The following ABCA6 variants were observed in gnomAD, a reference collection of about 807,000 sequenced individuals.
ABCA6 encodes ATP binding cassette subfamily A member 6.
Under a neutral mutation model 191.2 loss-of-function variants are expected in ABCA6, and 164 were observed. The ratio of observed to expected loss-of-function variants is 0.86; its 90% CI spans 0.76 to 0.98. The LOEUF is 0.98. ABCA6 is among the 50% of genes least tolerant of loss of function. The pLI is 0.00. For missense variants in ABCA6, 1,958 were observed against 1,894.1 expected, an observed-to-expected ratio of 1.03 and a Z score of -0.63; for synonymous variants, 636 against 647.7, an observed-to-expected ratio of 0.98 and a Z score of 0.27.
intron 8 of ABCA6, among the ~76,000 whole-genome samples, chr17:69,128,259 C>T (rs1352944716): frequency 1.3e-5 from 2 of 151,806 alleles, no homozygotes; most frequent in East Asian, 3.9e-4. Flanking sequence ...TTTTCATATT[C>T]ATAGTTTATA....
rs927007683 is a variant in ABCA6 at position 69,084,968 on chromosome 17, T to C, written c.4184+60A>G. ...TCTCGGTTCTTTATTAGTGAATTCA[T>C]CATCAGTGCTACAGTCTCCCTGCAT... On this transcript the variant is annotated intron_variant, in intron 32 of 38. Coordinates refer to ENST00000284425, the MANE Select transcript of ABCA6 (RefSeq NM_080284.3). 46 of 1,514,852 alleles carry C rather than the reference T, an allele frequency of 3.0e-5. No individual in the cohort carries two copies. The South Asian group carries it at 4.2e-4, about 14-fold the overall frequency. The allele number at this position is 1,514,852 out of a possible 1,614,324, so 93.8% of individuals were successfully genotyped here. A position where few individuals can be genotyped will look rare whatever the true frequency, so the allele number is the denominator to read the frequency against.
chr17:69,123,365 G>A lies in ABCA6; in HGVS notation c.1310C>T (p.Ser437Leu), dbSNP rs1339645922. ...RHYSPLFFLN[S>L]SSCFQHQRTN... ...CCTTTGGTGTTGGAAACAAGATGAT[G>A]AATTCAAGAAAAATAAAGGAGAATA... Residue 437 changes from serine (S) to leucine (L), a missense_variant, in exon 10 of 39, where the codon TCA becomes TTA. Transcript: ENST00000284425. 6.5e-7 allele frequency: 1 copy of A among 1,539,034 alleles called. No homozygotes were observed. The highest frequency in any genetic ancestry group is 1.4e-5 in the African/African-American group (1 of 73,128).
intron 11 of ABCA6, among the ~76,000 whole-genome samples, chr17:69,117,672 T>A (rs2073561583): frequency 6.6e-6 from 1 of 152,046 alleles, no homozygotes; most frequent in South Asian, 2.1e-4. Flanking sequence ...AGAAATTACA[T>A]CTTTCATTGT....
chr17:69,096,568 A>T (rs1421503954), intron 24 of ABCA6, 60 bp downstream of exon 24: 5 of 1,216,094 alleles, frequency 4.1e-6, no homozygotes, highest in African/African-American at 1.6e-5. Context: ...TTAAAATAAC[A>T]ATGTTAAAAT....
At chr17:69,086,809 T>G (rs1223007622) in intron 29 of ABCA6, 74 bp from the exon 30 acceptor site, 1 of 970,564 alleles carries the variant, frequency 1.0e-6, no homozygotes, top group African/African-American at 1.7e-5. Context: ...CTTTCATGCC[T>G]TATGTCATAA....
At chr17:69,117,211 C>T (rs185101939) in intron 11 of ABCA6, among the ~76,000 whole-genome samples, 104 of 152,124 alleles carry the variant, frequency 6.8e-4, no homozygotes, top group Non-Finnish European at 5.2e-4. Flanking sequence ...GCAATATAAA[C>T]ACAATGGTCG....
Position 69,112,113 on chromosome 17 carries a change from A to G in ABCA6, c.2132+70T>C, listed in dbSNP as rs2073434935. The stretch of plus-strand genomic sequence containing the variant: ...TGAAGCACGAGGCCAGTTCTGTTTC[A>G]TAATTGTCCACCTTTTTCATATACC... On this transcript the variant is annotated intron_variant, in intron 16 of 38. Transcript: ENST00000284425. 8.6e-6 allele frequency: 10 copies of G among 1,168,548 alleles called. No individual in the cohort carries two copies. In the South Asian group the frequency reaches 1.2e-4, roughly 14 times the overall value. The allele number at this position is 1,168,548 out of a possible 1,614,324, so 72.4% of individuals were successfully genotyped here.
At position 69,078,953 on chromosome 17, in the gene ABCA6, A is replaced by T. The variant is rs1170594840; in HGVS notation, c.*20T>A. On this transcript the variant is annotated 3_prime_UTR_variant, in exon 39 of 39. Transcript: ENST00000284425. ...CATGAGTTTATAGGAGATCAACAAA[A>T]AATTACTAGGTTTGAGGTTTTAAGG... 2 of 1,528,542 alleles carry T rather than the reference A, an allele frequency of 1.3e-6. No individual in the cohort carries two copies. Among genetic ancestry groups the T allele is most frequent in the Admixed American group, 3.8e-5 (2 of 52,770 alleles). The allele number at this position is 1,528,542 out of a possible 1,614,324, so 94.7% of individuals were successfully genotyped here.
intron 20 of ABCA6, 104 bp downstream of exon 20, chr17:69,105,358 T>A (rs1029551563): frequency 5.4e-6 from 6 of 1,109,784 alleles, no homozygotes; most frequent in Non-Finnish European, 7.7e-6. Flanking sequence ...GAAGTTTAAA[T>A]ACCCATTTTC....
intron 21 of ABCA6, among the ~76,000 whole-genome samples, chr17:69,101,835 T>C (rs2073188614): frequency 6.6e-6 from 1 of 152,206 alleles, no homozygotes; most frequent in Non-Finnish European, 1.5e-5. Flanking sequence ...GTATGTAACG[T>C]AGTAGCTGAC....
intron 22 of ABCA6, among the ~76,000 whole-genome samples, chr17:69,100,198 T>G (rs1471801008): frequency 6.6e-6 from 1 of 152,166 alleles, no homozygotes; most frequent in East Asian, 1.9e-4. Flanking sequence ...TGGAGCCCAA[T>G]GTAGGGGGTC....
At chr17:69,113,493 A>C in intron 14 of ABCA6, 125 bp downstream of exon 14, 1 of 1,531,872 alleles carries the variant, frequency 6.5e-7, no homozygotes, top group South Asian at 1.2e-5. Flanking sequence ...TTCTATTTAT[A>C]GTTAAACATA....
chr17:69,103,830 TGAG>T (rs2073232818), intron 20 of ABCA6: 1 of 150,354 alleles, frequency 6.7e-6, no homozygotes, highest in Non-Finnish European at 1.5e-5. Context: ...AGACCTTATC[TGAG>T]GAGCACAGCT....
chr17:69,117,468 T>C (rs1464773102), intron 11 of ABCA6, among the ~76,000 whole-genome samples: 1 of 152,078 alleles, frequency 6.6e-6, no homozygotes, highest in African/African-American at 2.4e-5. Context: ...TGTTATAGGA[T>C]ATTGACTTGT....
In ABCA6 at chr17:69,088,241, C is replaced by T. The variant is rs2072849192; in HGVS notation, c.3624G>A (p.Leu1208=). ...TGCATCTTAGAACAAAAACGAATAGCAAAGTCTGAAAGTAGGGCTATGAGC... is the reference window on the plus strand; with the variant it reads ...TGCATCTTAGAACAAAAACGAATAGTAAAGTCTGAAAGTAGGGCTATGAGC... The part of the protein sequence containing the change: ...LVCFIPYFQT[L]LFVFVLRCME... Residue 1208 remains leucine (L), a synonymous_variant, in exon 28 of 39, where the codon TTG becomes TTA. Transcript: ENST00000284425. 1.2e-6 allele frequency: 2 copies of T among 1,610,260 alleles called. No individual in the cohort carries two copies. The highest frequency in any genetic ancestry group is 1.7e-6 in the Non-Finnish European group (2 of 1,177,950).
intron 32 of ABCA6, 74 bp from the exon 33 acceptor site, chr17:69,084,581 A>T: frequency 1.6e-6 from 2 of 1,276,418 alleles, no homozygotes; most frequent in Non-Finnish European, 2.3e-6. Flanking sequence ...GAACAGTAAC[A>T]GCATTAGAGG....
chr17:69,100,769 G>C (rs887388015), intron 22 of ABCA6, 28 bp downstream of exon 22: 1 of 1,586,910 alleles, frequency 6.3e-7, no homozygotes, highest in East Asian at 2.3e-5. Context: ...ATTCTTAATT[G>C]TTTAGACTCA....
At chr17:69,079,350 T>C in intron 37 of ABCA6, 85 bp from the exon 38 acceptor site, 1 of 1,030,098 alleles carries the variant, frequency 9.7e-7, no homozygotes, top group Non-Finnish European at 1.4e-6. Context: ...AGAATAAAAA[T>C]GTAAATCATT....
At chr17:69,130,709 C>A (rs1455129789) in intron 6 of ABCA6, among the ~76,000 whole-genome samples, 1 of 152,142 alleles carries the variant, frequency 6.6e-6, no homozygotes, top group Non-Finnish European at 1.5e-5. Context: ...GCCATACCGT[C>A]CTAATTGTAG....
Sources: allele counts gnomAD v4.1 joint callset (sites outside exome capture counted in the v4.1 genomes callset), GRCh38; gene constraint gnomAD v4.1.1; transcripts MANE v1.5; gene names NCBI Gene and HGNC (gene_info 2026-07-23, HGNC 2026-07-21).